The following SLC25A48 variants were observed in gnomAD, a reference collection of about 807,000 sequenced individuals.
SLC25A48 encodes CTC-321K16.1.
In SLC25A48, 29 loss-of-function variants were observed where a neutral mutation model predicts 32.2. The observed-to-expected ratio is 0.90, with a 90% confidence interval of 0.67 to 1.23. SLC25A48 has a LOEUF of 1.23. Ranked by LOEUF, SLC25A48 falls within the 50% of genes most tolerant of loss-of-function variation. The probability of loss-of-function intolerance (pLI) is 0.00; values close to 1 mark genes in which losing one functional copy is unlikely to be tolerated. For synonymous variants in SLC25A48, 164 were observed against 172.3 expected (o/e 0.95, Z 0.38); for missense variants, 399 against 422.7 (o/e 0.94, Z 0.49).
intron 4 of SLC25A48, among the ~76,000 whole-genome samples, chr5:135,859,160 T>C (rs1253387081): frequency 6.6e-6 from 1 of 152,152 alleles, no homozygotes; most frequent in Non-Finnish European, 1.5e-5. Flanking sequence ...TTGCCACTAA[T>C]AAAGACATGC....
intron 3 of SLC25A48, among the ~76,000 whole-genome samples, chr5:135,776,077 G>C (rs912590463): frequency 2.0e-5 from 3 of 151,834 alleles, no homozygotes; most frequent in African/African-American, 7.3e-5. Flanking sequence ...AAATATCGCA[G>C]AAGGTGTACA....
At chr5:135,802,317 G>T (rs915784259) in intron 3 of SLC25A48, among the ~76,000 whole-genome samples, 2 of 151,552 alleles carry the variant, frequency 1.3e-5, no homozygotes, top group African/African-American at 2.4e-5. Flanking sequence ...ATCACAGTGG[G>T]TATACACCAT....
At chr5:135,850,177 C>T (rs908615843) in intron 2 of SLC25A48, among the ~76,000 whole-genome samples, 2 of 152,174 alleles carry the variant, frequency 1.3e-5, no homozygotes, top group African/African-American at 2.4e-5. Flanking sequence ...TACAATCATT[C>T]GGCACAACTA....
intron 3 of SLC25A48, among the ~76,000 whole-genome samples, chr5:135,719,703 G>A (rs1204167168): frequency 6.6e-6 from 1 of 152,190 alleles, no homozygotes; most frequent in Non-Finnish European, 1.5e-5. Flanking sequence ...GGCTGGTCCT[G>A]ATTGCCAGCT....
intron 3 of SLC25A48, among the ~76,000 whole-genome samples, chr5:135,802,529 C>T (rs1757356392): frequency 6.6e-6 from 1 of 151,206 alleles, no homozygotes; most frequent in South Asian, 2.1e-4. Flanking sequence ...AGATATCACT[C>T]TTAGTATGAC....
At chr5:135,848,440 G>A (rs1759587982) in intron 2 of SLC25A48, among the ~76,000 whole-genome samples, 1 of 152,144 alleles carries the variant, frequency 6.6e-6, no homozygotes, top group African/African-American at 2.4e-5. Flanking sequence ...AGGCCTCTGT[G>A]GTTCTGCTTA....
chr5:135,831,755 T>C (rs928774317), upstream of SLC25A48, among the ~76,000 whole-genome samples: 1 of 152,166 alleles, frequency 6.6e-6, no homozygotes, highest in African/African-American at 2.4e-5. Context: ...CACTGGGGAA[T>C]TGGAATTTAT....
chr5:135,735,040 G>A (rs1363929411), intron 3 of SLC25A48, among the ~76,000 whole-genome samples: 6 of 152,134 alleles, frequency 3.9e-5, no homozygotes, highest in Non-Finnish European at 7.3e-5. Context: ...TAGAAAGTCC[G>A]ATTTCCAGTG....
At chr5:135,788,054 A>G (rs2126629188) in intron 3 of SLC25A48, among the ~76,000 whole-genome samples, 1 of 152,166 alleles carries the variant, frequency 6.6e-6, no homozygotes, top group Admixed American at 6.5e-5. Context: ...ATTACTTATA[A>G]TGTCACACCC....
chr5:135,688,729 C>T (rs1008387145), intron 3 of SLC25A48, among the ~76,000 whole-genome samples: 3 of 152,182 alleles, frequency 2.0e-5, no homozygotes, highest in African/African-American at 4.8e-5. Flanking sequence ...ATGAGTTCAT[C>T]GAGATGCAAT....
intron 3 of SLC25A48, among the ~76,000 whole-genome samples, chr5:135,675,027 T>A (rs752614549): frequency 6.6e-6 from 1 of 152,064 alleles, no homozygotes; most frequent in Non-Finnish European, 1.5e-5. Context: ...TGTTACTTTT[T>A]GTCTTTTTAA....
At chr5:135,601,656 C>A (rs1751798503) in intron 1 of SLC25A48, among the ~76,000 whole-genome samples, 1 of 152,226 alleles carries the variant, frequency 6.6e-6, no homozygotes, top group African/African-American at 2.4e-5. Flanking sequence ...TCCGTTGCTT[C>A]CCTGGCCATC....
At chr5:135,787,511 T>C (rs1756879623) in intron 3 of SLC25A48, among the ~76,000 whole-genome samples, 1 of 152,096 alleles carries the variant, frequency 6.6e-6, no homozygotes, top group Non-Finnish European at 1.5e-5. Flanking sequence ...ATGTATAACC[T>C]GTTATATTAT....
chr5:135,659,468 A>G (rs1472609680), intron 3 of SLC25A48, among the ~76,000 whole-genome samples: 5 of 152,222 alleles, frequency 3.3e-5, no homozygotes, highest in Non-Finnish European at 5.9e-5. Context: ...AGTCTCTAGG[A>G]AATTCCGAAC....
At chr5:135,688,986 A>G (rs60523834) in intron 3 of SLC25A48, among the ~76,000 whole-genome samples, 6,978 of 152,298 alleles carry the variant, frequency 0.046, 501 homozygotes, top group African/African-American at 0.15. Flanking sequence ...CTTATAAGAC[A>G]ATATTATTAT....
At chr5:135,613,711 T>C (rs958380933) in intron 1 of SLC25A48, among the ~76,000 whole-genome samples, 11 of 152,208 alleles carry the variant, frequency 7.2e-5, no homozygotes, top group Admixed American at 7.2e-4. Context: ...CTTTCCCCAG[T>C]GTATGCCCTT....
intron 1 of SLC25A48, among the ~76,000 whole-genome samples, chr5:135,583,461 C>A (rs143088089): frequency 6.6e-6 from 1 of 151,972 alleles, no homozygotes; most frequent in African/African-American, 2.4e-5. Context: ...TAGTTCTTTT[C>A]GTGACTGACC....
intron 2 of SLC25A48, among the ~76,000 whole-genome samples, chr5:135,847,180 C>T (rs1298830336): frequency 6.6e-6 from 1 of 152,174 alleles, no homozygotes; most frequent in Non-Finnish European, 1.5e-5. Flanking sequence ...GCTAGGGAAC[C>T]AAGCTCTCTT....
chr5:135,583,519 T>A (rs527307020), intron 1 of SLC25A48, among the ~76,000 whole-genome samples: 1 of 151,798 alleles, frequency 6.6e-6, no homozygotes, highest in Non-Finnish European at 1.5e-5. Context: ...AGGACAGGAA[T>A]CCTAGAATTC....
Sources: gnomAD v4.1 joint callset for allele counts (sites outside exome capture counted in the v4.1 genomes callset) on GRCh38, gnomAD v4.1.1 for gene constraint, MANE v1.5 for transcripts, NCBI Gene and HGNC (gene_info 2026-07-23, HGNC 2026-07-21) for gene names.